The following ADGRG4 variants were observed in gnomAD, a reference collection of about 807,000 sequenced individuals.
ADGRG4 encodes G protein-coupled receptor 112.
ADGRG4 carries 122 observed loss-of-function variants against 126.2 expected under a neutral mutation model. The ratio of observed to expected loss-of-function variants is 0.97; its 90% CI spans 0.83 to 1.12. The LOEUF (loss-of-function observed/expected upper bound fraction) is 1.12, where lower values mean the gene tolerates loss of function less well. Ranked by LOEUF, ADGRG4 falls within the 50% of genes most tolerant of loss-of-function variation. The pLI is 0.00. For missense variants in ADGRG4, 2,481 were observed against 2,251.8 expected, an observed-to-expected ratio of 1.10 and a Z score of -2.06; for synonymous variants, 943 against 838.7, an observed-to-expected ratio of 1.12 and a Z score of -2.15.
At chrX:136,382,750 A>G (rs758450557) in intron 15 of ADGRG4, among the ~76,000 whole-genome samples, 1 of 111,087 alleles carries the variant, frequency 9.0e-6, no homozygotes, top group African/African-American at 3.3e-5. Flanking sequence ...CGGATCAATC[A>G]CCCCAGCCAA....
chrX:136,357,951 C>G (rs1460160397), intron 10 of ADGRG4, among the ~76,000 whole-genome samples, 195 bp downstream of exon 10: 1 of 112,339 alleles, frequency 8.9e-6, no homozygotes, highest in Non-Finnish European at 1.9e-5. Flanking sequence ...ATGGCACAGG[C>G]TAGCGGCCAG....
intron 4 of ADGRG4, among the ~76,000 whole-genome samples, chrX:136,309,645 C>T (rs189700185): frequency 8.9e-6 from 1 of 112,020 alleles, no homozygotes; most frequent in East Asian, 2.8e-4. Context: ...TCATCATTGC[C>T]ATCAAGAGCA....
chrX:136,355,764 T>C (rs1363479955), intron 8 of ADGRG4, among the ~76,000 whole-genome samples: 3 of 112,568 alleles, frequency 2.7e-5, no homozygotes, highest in Non-Finnish European at 5.6e-5. Flanking sequence ...ATAGCTCATT[T>C]GTTTTAATAA....
intron 15 of ADGRG4, among the ~76,000 whole-genome samples, chrX:136,384,331 G>A (rs2075282345): frequency 9.0e-6 from 1 of 111,579 alleles, no homozygotes; most frequent in East Asian, 2.8e-4. Context: ...TAAACCAGAC[G>A]TGTCAATTTA....
At chrX:136,302,146 G>T (rs2074704662) in intron 1 of ADGRG4, among the ~76,000 whole-genome samples, 1 of 111,741 alleles carries the variant, frequency 8.9e-6, no homozygotes, top group Non-Finnish European at 1.9e-5. Flanking sequence ...TTATGTGGAT[G>T]GCATTAAATC....
intron 11 of ADGRG4, among the ~76,000 whole-genome samples, chrX:136,360,340 G>A (rs778004257): frequency 9.0e-6 from 1 of 111,036 alleles, no homozygotes; most frequent in Non-Finnish European, 1.9e-5. Context: ...AAAAAAATGG[G>A]AACTTATCAT....
chrX:136,395,448 C>A lies in ADGRG4; in HGVS notation c.8139C>A (p.Tyr2713Ter), dbSNP rs760907532. 1 of 1,199,604 alleles carries A rather than the reference C, an allele frequency of 8.3e-7. No homozygotes were observed. The highest frequency in any genetic ancestry group is 1.1e-6 in the Non-Finnish European group (1 of 885,274). Residue 2713 changes from tyrosine to a stop codon, truncating the protein, a stop_gained, in exon 19 of 26, where the codon TAC becomes TAA. Coordinates refer to ENST00000394143, the MANE Select transcript of ADGRG4 (RefSeq NM_153834.4). LOFTEE classifies it high-confidence loss of function. ...GCKVKETNVN[Y>*]TICQCDHLTH... ...AAGTAAAGGAAACAAATGTAAATTA[C>A]ACAATCTGTCAGTGTGACCACCTCA...
intron 15 of ADGRG4, among the ~76,000 whole-genome samples, chrX:136,376,279 C>T (rs867177828): frequency 8.0e-5 from 9 of 112,039 alleles, no homozygotes; most frequent in African/African-American, 2.9e-4. Context: ...TATACCAATA[C>T]CATGCTGTTT....
In ADGRG4 at chrX:136,322,931, C is replaced by T; in HGVS notation, c.224C>T (p.Ser75Phe). Residue 75 changes from serine (S) to phenylalanine (F), a missense_variant, in exon 5 of 26, where the codon TCT becomes TTT. Physicochemically the swap from Ser to Phe is radical, Grantham distance 155. Transcript: ENST00000394143. ...AACTCAAGGTATTGGATGGCCTTCT[C>T]TTATATTACTAATAACGCCCTCCTG... is the stretch of plus-strand genomic sequence containing the variant. ...DDNSRYWMAF[S>F]YITNNALLGR... 2 of 1,211,356 alleles carry T rather than the reference C, an allele frequency of 1.7e-6. No homozygotes were observed. Among genetic ancestry groups the T allele is most frequent in the Non-Finnish European group, 2.2e-6 (2 of 895,047 alleles).
intron 5 of ADGRG4, among the ~76,000 whole-genome samples, chrX:136,338,561 T>C (rs2074961335): frequency 8.9e-6 from 1 of 112,333 alleles, no homozygotes; most frequent in Admixed American, 9.4e-5. Flanking sequence ...TCACCTTGAT[T>C]CTTTCTTAAC....
At chrX:136,329,615 T>C (rs2051807267) in intron 5 of ADGRG4, among the ~76,000 whole-genome samples, 1 of 111,226 alleles carries the variant, frequency 9.0e-6, no homozygotes, top group African/African-American at 3.3e-5. Flanking sequence ...TTCTGTCCAA[T>C]GTGAATAGAT....
At chrX:136,325,849 TA>T (rs1294366351) in intron 5 of ADGRG4, among the ~76,000 whole-genome samples, 29 of 110,236 alleles carry the variant, frequency 2.6e-4, no homozygotes, top group African/African-American at 8.3e-4. Flanking sequence ...TAGCTGGGAC[TA>T]CAGGCACATG....
At position 136,304,878 on chromosome X, in the gene ADGRG4, C is replaced by T. The variant is rs2074723677; in HGVS notation, c.-155C>T. 1 of 112,368 alleles carries T rather than the reference C, an allele frequency of 8.9e-6. No individual in the cohort carries two copies. Among genetic ancestry groups the T allele is most frequent in the Non-Finnish European group, 1.9e-5 (1 of 53,271 alleles). 9.3% of individuals were successfully genotyped at this position (112,368 alleles called of 1,213,427 possible). A position where few individuals can be genotyped will look rare whatever the true frequency, so the allele number is the denominator to read the frequency against. On this transcript the variant is annotated 5_prime_UTR_variant, in exon 3 of 26. Coordinates refer to ENST00000394143, the MANE Select transcript of ADGRG4 (RefSeq NM_153834.4). ...AGGCTGTGTGACCCCACGTTGGGGACAGGTCACAAAACCTAAGCCTTGTGC... is the reference window on the plus strand; with the variant it reads ...AGGCTGTGTGACCCCACGTTGGGGATAGGTCACAAAACCTAAGCCTTGTGC...
chrX:136,409,407 C>A (rs1246454521), intron 23 of ADGRG4, among the ~76,000 whole-genome samples: 1 of 111,286 alleles, frequency 9.0e-6, no homozygotes, highest in Non-Finnish European at 1.9e-5. Flanking sequence ...CACAGAATAA[C>A]CTTTTAAGTC....
chrX:136,407,859 G>A (rs769711950), intron 23 of ADGRG4, among the ~76,000 whole-genome samples: 1 of 111,766 alleles, frequency 8.9e-6, no homozygotes, highest in South Asian at 3.8e-4. Context: ...CTTTTTCTCT[G>A]GATAGAACTG....
At chrX:136,303,410 G>A (rs12839231) in intron 1 of ADGRG4, among the ~76,000 whole-genome samples, 1,221 of 111,651 alleles carry the variant, frequency 0.011, 10 homozygotes, top group Non-Finnish European at 0.016. Flanking sequence ...CCTTGATTGC[G>A]CCAATGTATT....
intron 4 of ADGRG4, among the ~76,000 whole-genome samples, chrX:136,309,750 T>G (rs1281285284): frequency 8.9e-6 from 1 of 111,789 alleles, no homozygotes; most frequent in Non-Finnish European, 1.9e-5. Flanking sequence ...GTGGCAACTT[T>G]GTCACCTGGC....
intron 15 of ADGRG4, among the ~76,000 whole-genome samples, chrX:136,383,047 T>C (rs1057336841): frequency 9.0e-6 from 1 of 111,379 alleles, no homozygotes; most frequent in Non-Finnish European, 1.9e-5. Flanking sequence ...AAAAGTACCA[T>C]ATATTGGACG....
At chrX:136,406,088 T>C in intron 23 of ADGRG4, 116 bp downstream of exon 23, 2 of 776,624 alleles carry the variant, frequency 2.6e-6, no homozygotes, top group Non-Finnish European at 3.6e-6. Context: ...CTTCATTAAA[T>C]GCACCCACAG....
Sources: allele counts gnomAD v4.1 joint callset (sites outside exome capture counted in the v4.1 genomes callset), GRCh38; gene constraint gnomAD v4.1.1; transcripts MANE v1.5; gene names NCBI Gene and HGNC (gene_info 2026-07-23, HGNC 2026-07-21).